NCOA2: variants seen among roughly 807,000 people sequenced by gnomAD.
The protein encoded by NCOA2 is nuclear receptor coactivator 2.
In NCOA2, 21 loss-of-function variants were observed where a neutral mutation model predicts 145.1. The observed-to-expected ratio is 0.14, with a 90% CI of 0.10 to 0.21. The LOEUF is 0.21. Among genes scored for constraint, NCOA2 ranks in the 10% least tolerant of loss-of-function variants. The pLI is 1.00. For synonymous variants in NCOA2, 619 were observed against 637.5 expected, an observed-to-expected ratio of 0.97 and a Z score of 0.44; for missense variants, 1,472 against 1,837.6, an observed-to-expected ratio of 0.80 and a Z score of 3.64.
chr8:70,433,696 A>G, the NCOA2 span, among the ~76,000 whole-genome samples: 2 of 152,174 alleles, frequency 1.3e-5, no homozygotes, highest in African/African-American at 4.8e-5. Context: ...AAGGAGAGTA[A>G]AGATCTGAGA....
Position 70,156,806 on chromosome 8 carries a change from C to T in NCOA2, c.1559G>A (p.Cys520Tyr), listed in dbSNP as rs747882484. ...AGSLHSPVGV[C>Y]SSTGNSHSYT... ...ACTATGGCTATTTCCTGTGCTGCTG[C>T]AAACTCCCACAGGGGAATGCAAGCT... The change falls in exon 11 of 23, where the codon TGC becomes TAC. Residue 520 changes from cysteine to tyrosine, a missense_variant. Physicochemically the swap from Cys to Tyr is radical, Grantham distance 194 (BLOSUM62 -2). Around this residue, in one of 4 missense-constraint regions of NCOA2, gnomAD observed 953 missense variants for 1,062.1 expected, o/e 0.90. Coordinates refer to ENST00000452400, the MANE Select transcript of NCOA2 (RefSeq NM_006540.4). 4 of 1,613,880 alleles carry T rather than the reference C, an allele frequency of 2.5e-6. No individual in the cohort carries two copies. Among genetic ancestry groups the T allele is most frequent in the Non-Finnish European group, 3.4e-6 (4 of 1,179,896 alleles).
At chr8:70,260,138 T>C (rs777530293) in intron 2 of NCOA2, among the ~76,000 whole-genome samples, 3 of 152,192 alleles carry the variant, frequency 2.0e-5, no homozygotes, top group Non-Finnish European at 4.4e-5. Flanking sequence ...ATGCTGTCAA[T>C]GTATGAATAT....
At chr8:70,237,005 G>A (rs540386513) in intron 2 of NCOA2, among the ~76,000 whole-genome samples, 53 of 152,258 alleles carry the variant, frequency 3.5e-4, no homozygotes, top group Non-Finnish European at 6.0e-4. Flanking sequence ...CAGAAAGGAA[G>A]TATTTCTCAT....
chr8:70,134,023 G>T (rs1459279004), intron 15 of NCOA2, among the ~76,000 whole-genome samples: 1 of 152,110 alleles, frequency 6.6e-6, no homozygotes, highest in Non-Finnish European at 1.5e-5. Context: ...ACCCCTGAGA[G>T]GCAGGTGCTC....
the NCOA2 span, among the ~76,000 whole-genome samples, chr8:70,411,660 A>C: frequency 6.6e-6 from 1 of 152,256 alleles, no homozygotes; most frequent in Admixed American, 6.5e-5. Flanking sequence ...GAAAATGAAC[A>C]AACTATAGCT....
intron 1 of NCOA2, among the ~76,000 whole-genome samples, chr8:70,380,931 C>CCACCA (rs770191735): frequency 5.3e-5 from 8 of 151,880 alleles, no homozygotes; most frequent in Non-Finnish European, 8.8e-5. Flanking sequence ...AAAAAATTAA[C>CCACCA]CAGGTGTGGT....
chr8:70,351,337 G>C (rs1327950838), intron 1 of NCOA2, among the ~76,000 whole-genome samples: 1 of 152,100 alleles, frequency 6.6e-6, no homozygotes, highest in African/African-American at 2.4e-5. Flanking sequence ...GAAAACTCTT[G>C]AGTGAACACC....
the NCOA2 span, among the ~76,000 whole-genome samples, chr8:70,448,246 G>T: frequency 6.6e-6 from 1 of 152,166 alleles, no homozygotes; most frequent in Non-Finnish European, 1.5e-5. Flanking sequence ...ATTGATCTTT[G>T]TAGGGCAGGT....
the NCOA2 span, among the ~76,000 whole-genome samples, chr8:70,455,546 TG>T: frequency 6.6e-6 from 1 of 152,170 alleles, no homozygotes; most frequent in African/African-American, 2.4e-5. Context: ...TTACTCTAAG[TG>T]TTGTTTATTG....
upstream of NCOA2, among the ~76,000 whole-genome samples, chr8:70,404,504 G>T (rs552317305): frequency 1.7e-4 from 26 of 152,272 alleles, 1 homozygote; most frequent in South Asian, 5.4e-3. Flanking sequence ...GCTGCTCCCC[G>T]GAGGCGCCCC....
chr8:70,336,588 T>C (rs1483790187), intron 1 of NCOA2, among the ~76,000 whole-genome samples: 2 of 147,602 alleles, frequency 1.4e-5, no homozygotes, highest in Non-Finnish European at 3.0e-5. Context: ...TCTTACATGG[T>C]GGCAGGAGAG....
At chr8:70,284,688 T>C (rs553818306) in intron 2 of NCOA2, among the ~76,000 whole-genome samples, 21 of 152,068 alleles carry the variant, frequency 1.4e-4, no homozygotes, top group Non-Finnish European at 2.5e-4. Flanking sequence ...GTGTGTGTTG[T>C]GTGTGTGGGT....
intron 7 of NCOA2, among the ~76,000 whole-genome samples, chr8:70,164,121 C>T (rs1244616490): frequency 2.0e-5 from 3 of 152,170 alleles, no homozygotes; most frequent in Admixed American, 6.5e-5. Context: ...ATTCAGAGAA[C>T]GACTCCCACA....
At chr8:70,122,150 G>A (rs901984504) in intron 21 of NCOA2, among the ~76,000 whole-genome samples, 1 of 152,148 alleles carries the variant, frequency 6.6e-6, no homozygotes, top group African/African-American at 2.4e-5. Context: ...TCCTCAGCAA[G>A]CAAATTAGGA....
At chr8:70,256,184 C>T (rs1039386121) in intron 2 of NCOA2, among the ~76,000 whole-genome samples, 2 of 152,218 alleles carry the variant, frequency 1.3e-5, no homozygotes, top group African/African-American at 4.8e-5. Flanking sequence ...CACTCACCAC[C>T]TGTCCCTCTC....
chr8:70,213,785 T>C, intron 4 of NCOA2, 118 bp downstream of exon 4: 2 of 832,410 alleles, frequency 2.4e-6, no homozygotes, highest in Non-Finnish European at 3.7e-6. Context: ...TGTGACATCA[T>C]TTCCTCATCA....
At chr8:70,116,310 G>A (rs1467260411) in intron 22 of NCOA2, among the ~76,000 whole-genome samples, 3 of 152,076 alleles carry the variant, frequency 2.0e-5, no homozygotes, top group Admixed American at 6.5e-5. Flanking sequence ...CCAGCACTTC[G>A]GGAGGCCGAG....
intron 4 of NCOA2, among the ~76,000 whole-genome samples, chr8:70,175,882 G>C (rs201692352): frequency 9.3e-6 from 1 of 107,792 alleles, no homozygotes; most frequent in African/African-American, 3.4e-5. Flanking sequence ...TTTTTTTTTT[G>C]TCAAAAATAT....
upstream of NCOA2, among the ~76,000 whole-genome samples, chr8:70,406,986 A>T (rs1814792600): frequency 6.6e-6 from 1 of 152,222 alleles, no homozygotes; most frequent in Non-Finnish European, 1.5e-5. Flanking sequence ...TCATCTGTGT[A>T]ATTGTTGCAA....
Sources: gnomAD v4.1 joint callset for allele counts (sites outside exome capture counted in the v4.1 genomes callset) on GRCh38, gnomAD v4.1.1 for gene constraint, gnomAD v4.1.1 regional missense constraint, MANE v1.5 for transcripts, NCBI Gene and HGNC (gene_info 2026-07-23, HGNC 2026-07-21) for gene names.